Variants in AKNAD1 observed in about 807,000 individuals in gnomAD.
AKNAD1 encodes the protein AKNA domain containing 1.
Under a neutral mutation model 90.8 loss-of-function variants are expected in AKNAD1, and 67 were observed. The ratio of observed to expected loss-of-function variants is 0.74; its 90% CI spans 0.61 to 0.90. The LOEUF (loss-of-function observed/expected upper bound fraction) is 0.90. Among genes scored for constraint, AKNAD1 ranks in the 40% least tolerant of loss-of-function variants. AKNAD1 has a pLI of 0.00. For synonymous variants in AKNAD1, 327 were observed against 341.4 expected, an observed-to-expected ratio of 0.96 and a Z score of 0.46; for missense variants, 957 against 975.4, an observed-to-expected ratio of 0.98 and a Z score of 0.25.
At chr1:108,834,596 T>C (rs1664321494) in intron 8 of AKNAD1, 68 bp from the exon 9 acceptor site, 2 of 1,425,490 alleles carry the variant, frequency 1.4e-6, no homozygotes, top group South Asian at 2.5e-5. Context: ...GGAGCTCCAC[T>C]ATTTGGAATC....
chr1:108,854,286 A>G (rs17621536), intron 1 of AKNAD1, among the ~76,000 whole-genome samples: 19,888 of 152,190 alleles, frequency 0.13, 1,376 homozygotes, highest in Middle Eastern at 0.15. Flanking sequence ...TCAAGTTTTA[A>G]GTAGAGTAAC....
rs767410689 is a variant in AKNAD1, at chr1:108,823,455, A to T, written c.2082T>A (p.Thr694=). Residue 694 remains threonine (T), a synonymous_variant, in exon 13 of 16, where the codon ACT becomes ACA. Transcript: ENST00000370001. The part of the protein sequence containing the change: ...PTKEFHYRYN[T]PGQNYSNHSK... Reference sequence around the variant, plus strand: ...TATGATTTGAGTAATTCTGTCCTGGAGTGTTGTATCTATAATGAAATTCTG... The same window carrying T: ...TATGATTTGAGTAATTCTGTCCTGGTGTGTTGTATCTATAATGAAATTCTG... 5.0e-6 allele frequency: 8 copies of T among 1,614,110 alleles called. No homozygotes were observed. In the South Asian group the frequency reaches 7.7e-5, roughly 16 times the overall value.
chr1:108,823,692 A>G lies in AKNAD1; in HGVS notation c.1937-4T>C. The G allele has an allele frequency of 6.2e-7, 1 of 1,614,016 alleles. No homozygotes were observed. The highest frequency in any genetic ancestry group is 1.3e-5 in the African/African-American group (1 of 75,042). On this transcript the variant is annotated splice_region_variant and splice_polypyrimidine_tract_variant and intron_variant, in intron 11 of 15. Coordinates refer to ENST00000370001, the MANE Select transcript of AKNAD1 (RefSeq NM_152763.5). ...AAGCTGTGTCCTGTATCAGAATCTG[A>G]AAAAGCCCAAGTTGCATGAATGAAG...
intron 10 of AKNAD1, among the ~76,000 whole-genome samples, chr1:108,827,767 T>G (rs1244972944): frequency 7.0e-6 from 1 of 142,906 alleles, no homozygotes; most frequent in Non-Finnish European, 1.5e-5. Context: ...TGAGCCGAGA[T>G]CGCGCCACTG....
At chr1:108,834,404 A>G (rs753375494) in intron 9 of AKNAD1, 43 bp downstream of exon 9, 3 of 1,516,578 alleles carry the variant, frequency 2.0e-6, no homozygotes, top group African/African-American at 2.8e-5. Flanking sequence ...TAAAGAGCCA[A>G]CAATGAGAAG....
chr1:108,823,331 T>G, intron 13 of AKNAD1, 39 bp downstream of exon 13: 4 of 1,432,824 alleles, frequency 2.8e-6, no homozygotes, highest in South Asian at 1.1e-5. Context: ...GGACATTAGG[T>G]TGTTGATATG....
chr1:108,842,078 C>T (rs983306741), intron 6 of AKNAD1, among the ~76,000 whole-genome samples: 2 of 152,048 alleles, frequency 1.3e-5, no homozygotes, highest in Non-Finnish European at 1.5e-5. Context: ...CAGAAGCATG[C>T]AGAGTTCTTT....
chr1:108,840,451 A>G lies in AKNAD1; in HGVS notation c.1379+2683T>C, dbSNP rs1664518159. The stretch of plus-strand genomic sequence containing the variant: ...ACTACAAAGATTTCAGTTCTTCCCA[A>G]TCTAACCTATAAATTCAATACATTC... On this transcript the variant is annotated intron_variant, in intron 6 of 15. Coordinates refer to ENST00000370001, the MANE Select transcript of AKNAD1 (RefSeq NM_152763.5). Among the ~76,000 whole-genome samples, 3 of 152,336 alleles carry G rather than the reference A, an allele frequency of 2.0e-5. No homozygotes were observed. In the South Asian group the frequency reaches 6.2e-4, roughly 32 times the overall value.
chr1:108,851,785 C>T lies in AKNAD1; in HGVS notation c.880G>A (p.Asp294Asn). ...CTATCTTGCACAAGAGTGGGTTTAT[C>T]TCTCGACTTGGAAGAAAAGCTGGCT... ...KQASFSSKSR[D>N]KPTLVQDSLE... The change falls in exon 2 of 16, where the codon GAT becomes AAT. Residue 294 changes from aspartate (D) to asparagine (N), a missense_variant. Transcript: ENST00000370001. 6.2e-7 allele frequency: 1 copy of T among 1,614,174 alleles called. No individual in the cohort carries two copies. The highest frequency in any genetic ancestry group is 8.5e-7 in the Non-Finnish European group (1 of 1,180,024).
intron 2 of AKNAD1, among the ~76,000 whole-genome samples, chr1:108,850,812 T>C (rs967425097): frequency 6.6e-6 from 1 of 152,126 alleles, no homozygotes; most frequent in Admixed American, 6.5e-5. Flanking sequence ...TTTTGATTAT[T>C]AAGATGGATT....
chr1:108,834,334 G>A (rs1259988975), intron 9 of AKNAD1, 113 bp downstream of exon 9: 4 of 849,248 alleles, frequency 4.7e-6, no homozygotes, highest in Non-Finnish European at 7.3e-6. Context: ...CCATTAGGAA[G>A]AGGTAAGTGA....
At chr1:108,847,259 C>T (rs968230910) in intron 5 of AKNAD1, among the ~76,000 whole-genome samples, 21 of 152,040 alleles carry the variant, frequency 1.4e-4, no homozygotes, top group African/African-American at 5.1e-4. Context: ...ACCAGCCCAG[C>T]CAACATGGTG....
Position 108,827,533 on chromosome 1 carries a change from G to A in AKNAD1, c.1839-231C>T, listed in dbSNP as rs978771664. On this transcript the variant is annotated intron_variant, in intron 10 of 15. Coordinates refer to ENST00000370001, the MANE Select transcript of AKNAD1 (RefSeq NM_152763.5). The stretch of plus-strand genomic sequence containing the variant: ...CTGATAAGAAAATGTATACAAGACA[G>A]GCCAGGCGCGGTGGCTCACGCCTGT... Among the ~76,000 whole-genome samples, 15 of 151,564 alleles carry A rather than the reference G, an allele frequency of 9.9e-5. 1 individual carries two copies. The highest frequency in any genetic ancestry group is 2.7e-4 in the African/African-American group (11 of 41,366).
chr1:108,824,293 G>GCA (rs1663921768), intron 11 of AKNAD1, among the ~76,000 whole-genome samples: 1 of 152,162 alleles, frequency 6.6e-6, no homozygotes, highest in Non-Finnish European at 1.5e-5. Flanking sequence ...AAAGCCTGGG[G>GCA]CCAGGCGGGT....
chr1:108,849,418 G>T lies in AKNAD1; in HGVS notation c.1033+119C>A, dbSNP rs980197910. On this transcript the variant is annotated intron_variant, in intron 3 of 15. Coordinates refer to ENST00000370001, the MANE Select transcript of AKNAD1 (RefSeq NM_152763.5). ...CATTTGAGCCCCAGAGGTCAAGGCT[G>T]CAATGAACCAAGATTGTGCTGCTGC... is the stretch of plus-strand genomic sequence containing the variant. The T allele has an allele frequency of 8.7e-6, 6 of 691,592 alleles. No homozygotes were observed. In the African/African-American group the frequency reaches 1.1e-4, roughly 13 times the overall value. The allele number at this position is 691,592 out of a possible 1,614,324, so 42.8% of individuals were successfully genotyped here. A position where few individuals can be genotyped will look rare whatever the true frequency, so the allele number is the denominator to read the frequency against.
intron 11 of AKNAD1, 41 bp from the exon 12 acceptor site, chr1:108,823,729 T>G (rs1306259846): frequency 6.2e-7 from 1 of 1,613,348 alleles, no homozygotes; most frequent in Non-Finnish European, 8.5e-7. Flanking sequence ...GTAAGTGTCT[T>G]GATTATAGTC....
At chr1:108,831,607 C>A (rs1433715175) in intron 9 of AKNAD1, among the ~76,000 whole-genome samples, 1 of 150,502 alleles carries the variant, frequency 6.6e-6, no homozygotes, top group Non-Finnish European at 1.5e-5. Context: ...AAGTCTGTTC[C>A]TATATGCTGA....
chr1:108,823,762 G>C, intron 11 of AKNAD1, 74 bp from the exon 12 acceptor site: 4 of 1,603,752 alleles, frequency 2.5e-6, no homozygotes, highest in Non-Finnish European at 3.4e-6. Flanking sequence ...GTGGAGAGCA[G>C]AGCTGTAACT....
Position 108,830,655 on chromosome 1 carries a change from G to T in AKNAD1, c.1747-5C>A. ...TGGAGTGCCGTTGGGATCCTCCTGC[G>T]CCACAAAGCACACAGATGGAGATGT... On this transcript the variant is annotated splice_polypyrimidine_tract_variant and splice_region_variant and intron_variant, in intron 9 of 15. Transcript: ENST00000370001. 6.2e-7 allele frequency: 1 copy of T among 1,613,874 alleles called. No individual in the cohort carries two copies. The highest frequency in any genetic ancestry group is 8.5e-7 in the Non-Finnish European group (1 of 1,179,926).
Sources: allele counts gnomAD v4.1 joint callset (sites outside exome capture counted in the v4.1 genomes callset), GRCh38; gene constraint gnomAD v4.1.1; transcripts MANE v1.5; gene names NCBI Gene and HGNC (gene_info 2026-07-23, HGNC 2026-07-21).